The following LIMS1 variants were observed in gnomAD, a reference collection of about 807,000 sequenced individuals.
The protein encoded by LIMS1 is LIM zinc finger domain containing 1, also known as LIM and senescent cell antigen-like-containing domain protein 1.
LIMS1 carries 18 observed loss-of-function variants against 44.1 expected under a neutral mutation model. That is an observed-to-expected ratio of 0.41 (90% CI 0.28 to 0.61). LIMS1 has a LOEUF of 0.61. LIMS1 is among the 20% of genes least tolerant of loss of function. The pLI is 0.32. For missense variants in LIMS1, 201 were observed against 422.0 expected (o/e 0.48, Z 4.59); for synonymous variants, 93 against 149.1 (o/e 0.62, Z 2.74).
intron 1 of LIMS1, among the ~76,000 whole-genome samples, chr2:108,614,527 A>G (rs952807068): frequency 1.3e-5 from 2 of 152,326 alleles, no homozygotes; most frequent in Non-Finnish European, 2.9e-5. Context: ...TTCAGTTGCC[A>G]TCAGTCACTC....
chr2:108,671,047 A>G lies in LIMS1; in HGVS notation c.259+200A>G, dbSNP rs1173512040. On this transcript the variant is annotated intron_variant, in intron 3 of 9. Coordinates refer to ENST00000544547, the Ensembl canonical transcript of LIMS1. Reference sequence around the variant, plus strand: ...TTAACTGGGCATGGTGGCAGGTGCCAGTAATCCCAGTTATTCAAGAGGCTG... The same window carrying G: ...TTAACTGGGCATGGTGGCAGGTGCCGGTAATCCCAGTTATTCAAGAGGCTG... 1.8e-3 allele frequency: 1,047 copies of G among 596,288 alleles called. 3 individuals carry two copies. The highest frequency in any genetic ancestry group is 5.6e-3 in the African/African-American group (305 of 54,052). The allele number at this position is 596,288 out of a possible 1,614,324, so 36.9% of individuals were successfully genotyped here. A position where few individuals can be genotyped will look rare whatever the true frequency, so the allele number is the denominator to read the frequency against.
chr2:108,613,741 G>A (rs1370342269), intron 1 of LIMS1, among the ~76,000 whole-genome samples: 3 of 152,028 alleles, frequency 2.0e-5, no homozygotes, highest in Admixed American at 6.6e-5. Context: ...CAGGTCCTTC[G>A]AAACATGCCA....
chr2:108,584,011 G>A (rs1685996387), intron 1 of LIMS1, among the ~76,000 whole-genome samples: 1 of 152,004 alleles, frequency 6.6e-6, no homozygotes, highest in Non-Finnish European at 1.5e-5. Flanking sequence ...CTGTTTCTAT[G>A]TGAGACTGAT....
At chr2:108,660,260 A>G in intron 2 of LIMS1, 1 of 468,718 alleles carries the variant, frequency 2.1e-6, no homozygotes, top group Non-Finnish European at 4.4e-6. Flanking sequence ...CTAAGGGAAA[A>G]AAAAATAAGT....
chr2:108,548,523 GA>G (rs1041526198), intron 1 of LIMS1, among the ~76,000 whole-genome samples: 1 of 152,188 alleles, frequency 6.6e-6, no homozygotes, highest in Non-Finnish European at 1.5e-5. Context: ...TTCCCTTTGG[GA>G]GTGGTATTCA....
At chr2:108,575,453 CTTTG>C (rs957000653) in intron 1 of LIMS1, among the ~76,000 whole-genome samples, 10 of 152,182 alleles carry the variant, frequency 6.6e-5, no homozygotes, top group African/African-American at 2.4e-4. Flanking sequence ...GCTGTTACTT[CTTTG>C]TTTAAAGCGT....
At chr2:108,607,293 C>A in intron 1 of LIMS1, 1 of 1,536,698 alleles carries the variant, frequency 6.5e-7, no homozygotes, top group Non-Finnish European at 8.8e-7. Context: ...GTTCCCCCTC[C>A]AAATGAAACA....
chr2:108,680,275 G>A (rs1288277526), intron 8 of LIMS1, among the ~76,000 whole-genome samples: 3 of 150,512 alleles, frequency 2.0e-5, no homozygotes, highest in Non-Finnish European at 2.9e-5. Flanking sequence ...AATGAGGCAG[G>A]AGAATCGCTT....
intron 1 of LIMS1, among the ~76,000 whole-genome samples, chr2:108,651,752 C>G (rs1039435051): frequency 1.3e-5 from 2 of 151,766 alleles, no homozygotes; most frequent in African/African-American, 4.8e-5. Flanking sequence ...TTAAGAACAG[C>G]CAGATGGAAG....
At chr2:108,676,411 C>T (rs921551004) in intron 6 of LIMS1, among the ~76,000 whole-genome samples, 195 bp from the exon 7 acceptor site, 1 of 152,158 alleles carries the variant, frequency 6.6e-6, no homozygotes, top group African/African-American at 2.4e-5. Flanking sequence ...TAGGCTATGT[C>T]TTAAAGTAAC....
chr2:108,606,316 C>T (rs1311584198), intron 1 of LIMS1, among the ~76,000 whole-genome samples: 1 of 152,200 alleles, frequency 6.6e-6, no homozygotes, highest in Non-Finnish European at 1.5e-5. Flanking sequence ...CATTGCTCAG[C>T]TTCAGAAGCT....
intron 9 of LIMS1, chr2:108,681,486 C>T (rs1395266335): frequency 2.0e-6 from 2 of 978,978 alleles, no homozygotes; most frequent in Admixed American, 6.2e-5. Context: ...CCCTGGAAAA[C>T]ATTTTAAAGG....
exon 10 of LIMS1, chr2:108,687,187 A>G (rs1478143290): frequency 2.0e-5 from 3 of 152,186 alleles, no homozygotes; most frequent in African/African-American, 7.2e-5. Context: ...ATGTTTTCAT[A>G]TAGCAACCAC....
At chr2:108,650,375 T>G (rs1399002447) in intron 1 of LIMS1, among the ~76,000 whole-genome samples, 1 of 152,148 alleles carries the variant, frequency 6.6e-6, no homozygotes, top group Non-Finnish European at 1.5e-5. Context: ...GTAGTCTTTT[T>G]GGGAGAATTG....
intron 1 of LIMS1, among the ~76,000 whole-genome samples, chr2:108,555,704 A>G (rs1218469017): frequency 3.3e-5 from 5 of 152,220 alleles, no homozygotes. Context: ...GAGGAAAGCT[A>G]TAAGGGCAGA....
At chr2:108,644,110 C>A (rs1689903204) in intron 1 of LIMS1, among the ~76,000 whole-genome samples, 1 of 152,204 alleles carries the variant, frequency 6.6e-6, no homozygotes, top group East Asian at 1.9e-4. Context: ...CCCTAACTGG[C>A]AGCTCTGAAG....
exon 10 of LIMS1, chr2:108,684,963 T>G (rs1353263887): frequency 6.6e-6 from 1 of 152,102 alleles, no homozygotes; most frequent in African/African-American, 2.4e-5. Flanking sequence ...CATACTTAAA[T>G]CAGGAATTCT....
At chr2:108,536,985 G>T (rs1684165700) in intron 1 of LIMS1, among the ~76,000 whole-genome samples, 1 of 152,166 alleles carries the variant, frequency 6.6e-6, no homozygotes, top group African/African-American at 2.4e-5. Context: ...TTAGTTTTTT[G>T]AGAAACTGAC....
chr2:108,592,641 C>T (rs1372497839), intron 1 of LIMS1, among the ~76,000 whole-genome samples: 6 of 152,150 alleles, frequency 3.9e-5, no homozygotes, highest in African/African-American at 1.2e-4. Flanking sequence ...CCATAAGGAG[C>T]GTATACTTTT....
Sources: gnomAD v4.1 joint callset for allele counts (sites outside exome capture counted in the v4.1 genomes callset) on GRCh38, gnomAD v4.1.1 for gene constraint, MANE v1.5 for transcripts, NCBI Gene and HGNC (gene_info 2026-07-23, HGNC 2026-07-21) for gene names.